EFCAB13: variants seen among roughly 807,000 people sequenced by gnomAD.
The protein encoded by EFCAB13 is EF-hand calcium-binding domain-containing protein 13.
Under a neutral mutation model 110.2 loss-of-function variants are expected in EFCAB13, and 91 were observed. The ratio of observed to expected loss-of-function variants is 0.83; its 90% CI spans 0.70 to 0.98. The LOEUF is 0.98. EFCAB13 is among the 50% of genes least tolerant of loss of function. EFCAB13 has a pLI of 0.00. For synonymous variants in EFCAB13, 323 were observed against 369.9 expected (o/e 0.87, Z 1.45); for missense variants, 968 against 1,119.4 (o/e 0.86, Z 1.93).
At chr17:47,420,200 C>T (rs1158796261) in intron 23 of EFCAB13, among the ~76,000 whole-genome samples, 3 of 152,364 alleles carry the variant, frequency 2.0e-5, no homozygotes, top group Non-Finnish European at 2.9e-5. Context: ...CCGCCAGCCT[C>T]GGCCTCCCAA....
In EFCAB13 at chr17:47,404,606, G is replaced by A. The variant is rs1294120569; in HGVS notation, c.2206G>A (p.Asp736Asn). 1.2e-6 allele frequency: 2 copies of A among 1,612,688 alleles called. No individual in the cohort carries two copies. Among genetic ancestry groups the A allele is most frequent in the Non-Finnish European group, 8.5e-7 (1 of 1,179,176 alleles). ...TAAAGACTGTATGAGGGCTTTGAGG[G>A]ACACCCAGAAATTTTCCAATTATAT... Reference protein sequence around the residue: ...NIKDCMRALRDTQKFSNYIDF... With the variant: ...NIKDCMRALRNTQKFSNYIDF... Residue 736 changes from aspartate (D) to asparagine (N), a missense_variant, in exon 20 of 25, where the codon GAC becomes AAC. Coordinates refer to ENST00000331493, the MANE Select transcript of EFCAB13 (RefSeq NM_152347.5).
chr17:47,394,062 T>G lies in EFCAB13; in HGVS notation c.1764T>G (p.Thr588=), dbSNP rs1338888333. ...TGAATTTTAAAGAATTCATTGATAC[T>G]ATGATGAGCAACACGGAATGCTTCT... ...KKVNFKEFID[T]MMSNTECFSE... is the part of the protein sequence containing the mutation. The change falls in exon 16 of 25, where the codon ACT becomes ACG. Residue 588 remains threonine, a synonymous_variant. Transcript: ENST00000331493. 1.2e-5 allele frequency: 18 copies of G among 1,551,674 alleles called. No homozygotes were observed. The highest frequency in any genetic ancestry group is 1.4e-5 in the Non-Finnish European group (16 of 1,153,446).
chr17:47,413,766 A>C (rs554970501), intron 22 of EFCAB13, among the ~76,000 whole-genome samples: 4 of 152,072 alleles, frequency 2.6e-5, no homozygotes, highest in Non-Finnish European at 5.9e-5. Context: ...AATTGGGAAG[A>C]TTTAGGCCTC....
intron 24 of EFCAB13, among the ~76,000 whole-genome samples, chr17:47,437,304 T>C (rs892014767): frequency 5.3e-5 from 8 of 152,154 alleles, no homozygotes; most frequent in African/African-American, 1.9e-4. Flanking sequence ...TTTAAGTCCA[T>C]TGTTTCTTTG....
At chr17:47,330,598 A>G (rs1453501520) in intron 4 of EFCAB13, among the ~76,000 whole-genome samples, 2 of 152,046 alleles carry the variant, frequency 1.3e-5, no homozygotes, top group African/African-American at 4.8e-5. Context: ...AATGGCCTCC[A>G]GTTTCATCCA....
intron 17 of EFCAB13, among the ~76,000 whole-genome samples, chr17:47,399,929 G>T (rs75354595): frequency 6.6e-6 from 1 of 152,152 alleles, no homozygotes; most frequent in African/African-American, 2.4e-5. Context: ...GAGCAAAAAT[G>T]TGTAAGAGGG....
intron 2 of EFCAB13, among the ~76,000 whole-genome samples, chr17:47,325,614 CG>C (rs1418669743): frequency 1.3e-5 from 2 of 152,002 alleles, no homozygotes; most frequent in African/African-American, 4.8e-5. Context: ...CTTCTTGCCT[CG>C]GGGCTTTTGT....
In EFCAB13 at chr17:47,391,475, G is replaced by T. The variant is rs754808316; in HGVS notation, c.1621G>T (p.Asp541Tyr). The change falls in exon 15 of 25, where the codon GAT becomes TAT. Residue 541 changes from aspartate (D) to tyrosine (Y), a missense_variant. Transcript: ENST00000331493. ...GVIKAIDKIK[D>Y]KNVDYEDLNT... Reference sequence around the variant, plus strand: ...CATTAAAGCCATTGATAAAATTAAAGATAAAAATGTGGATTATGAGGATCT... The same window carrying T: ...CATTAAAGCCATTGATAAAATTAAATATAAAAATGTGGATTATGAGGATCT... 1 of 1,586,154 alleles carries T rather than the reference G, an allele frequency of 6.3e-7. No individual in the cohort carries two copies.
At chr17:47,359,060 T>A (rs1222625417) in intron 9 of EFCAB13, among the ~76,000 whole-genome samples, 1 of 152,154 alleles carries the variant, frequency 6.6e-6, no homozygotes, top group Non-Finnish European at 1.5e-5. Context: ...AGACCAGGCA[T>A]GGTGGCTCAT....
chr17:47,439,411 A>C (rs974609543), intron 24 of EFCAB13, among the ~76,000 whole-genome samples: 11 of 151,910 alleles, frequency 7.2e-5, no homozygotes, highest in African/African-American at 2.7e-4. Flanking sequence ...TCCTGACCTT[A>C]AGTGATCTGC....
chr17:47,347,882 CT>C lies in EFCAB13; in HGVS notation c.595del (p.Cys199AlafsTer3). ...KIYVNDLPVI[L>X]CILRISISDL... ...TTATGTGAATGATCTTCCAGTGATC[CT>C]TTGCATCTTGAGAATTTCTATAAGT... On this transcript the variant is annotated frameshift_variant, in exon 9 of 25. Transcript: ENST00000331493. LOFTEE classifies it high-confidence loss of function. 6.5e-7 allele frequency: 1 copy of C among 1,548,404 alleles called. No individual in the cohort carries two copies. The highest frequency in any genetic ancestry group is 8.8e-7 in the Non-Finnish European group (1 of 1,137,652).
At chr17:47,375,068 G>C in intron 12 of EFCAB13, 102 bp downstream of exon 12, 1 of 1,245,042 alleles carries the variant, frequency 8.0e-7, no homozygotes. Context: ...TTAACACCCT[G>C]GGTAACCACC....
At chr17:47,424,872 A>ATTGTTTTTTTTT (rs1459453287) in intron 23 of EFCAB13, among the ~76,000 whole-genome samples, 1 of 68,346 alleles carries the variant, frequency 1.5e-5, no homozygotes, top group Non-Finnish European at 2.9e-5. Context: ...CCGGTTGACA[A>ATTGTTTTTTTTT]TCTTTTTTTT....
intron 6 of EFCAB13, among the ~76,000 whole-genome samples, chr17:47,342,999 T>C (rs1312270370): frequency 6.6e-6 from 1 of 152,184 alleles, no homozygotes; most frequent in Non-Finnish European, 1.5e-5. Flanking sequence ...TGTCATGTTT[T>C]TTGCTCATAT....
chr17:47,403,593 A>C (rs566882396), intron 18 of EFCAB13, among the ~76,000 whole-genome samples: 1 of 152,358 alleles, frequency 6.6e-6, no homozygotes. Context: ...ATATCATTAG[A>C]GGTCCACAGC....
At chr17:47,400,827 T>TTTAA (rs2065774992) in intron 17 of EFCAB13, among the ~76,000 whole-genome samples, 1 of 152,248 alleles carries the variant, frequency 6.6e-6, no homozygotes, top group African/African-American at 2.4e-5. Flanking sequence ...TACTTTAAGC[T>TTTAA]GAGCTTTAAG....
intron 4 of EFCAB13, among the ~76,000 whole-genome samples, chr17:47,333,651 G>A (rs2065332771): frequency 6.6e-6 from 1 of 152,142 alleles, no homozygotes; most frequent in African/African-American, 2.4e-5. Flanking sequence ...TTCTGCAGAA[G>A]GATATCCAGT....
rs1012299765 is a variant in EFCAB13 at position 47,375,461 on chromosome 17, C to CT, written c.1372+508dup. Among the ~76,000 whole-genome samples the CT allele has an allele frequency of 1.9e-3, 277 of 144,370 alleles. 2 individuals are homozygous for CT. The highest frequency in any genetic ancestry group is 3.6e-3 in the Middle Eastern group (1 of 278). 94.7% of individuals were successfully genotyped at this position (144,370 alleles called of 152,430 possible). On this transcript the variant is annotated intron_variant, in intron 12 of 24. Transcript: ENST00000331493. Reference sequence around the variant, plus strand: ...GGAACATGCCACCACACCCAGCTAACTTTTTTTTTTTTTCATAGAGACGGG... The same window carrying CT: ...GGAACATGCCACCACACCCAGCTAACTTTTTTTTTTTTTTCATAGAGACGGG...
chr17:47,345,017 GA>G lies in EFCAB13; in HGVS notation c.440del (p.Lys147ArgfsTer9). On this transcript the variant is annotated frameshift_variant and splice_region_variant, in exon 8 of 25. Coordinates refer to ENST00000331493, the MANE Select transcript of EFCAB13 (RefSeq NM_152347.5). LOFTEE classifies it high-confidence loss of function. ...CTAATATGGCTGTTTCTTTGACAGG[GA>G]AAAGGAAATGCTGTCTAACCTCTAC... ...PLCTSSAITR[E>X]KEMLSNLYMT... The G allele has an allele frequency of 1.2e-6, 2 of 1,600,280 alleles. No homozygotes were observed. Among genetic ancestry groups the G allele is most frequent in the Admixed American group, 1.7e-5 (1 of 57,690 alleles).
Sources: allele counts gnomAD v4.1 joint callset (sites outside exome capture counted in the v4.1 genomes callset), GRCh38; gene constraint gnomAD v4.1.1; transcripts MANE v1.5; gene names NCBI Gene and HGNC (gene_info 2026-07-23, HGNC 2026-07-21).